The following DCDC2 variants were observed in gnomAD, a reference collection of about 807,000 sequenced individuals.
DCDC2 encodes doublecortin domain-containing protein 2.
Under a neutral mutation model 50.2 loss-of-function variants are expected in DCDC2, and 40 were observed. That is an observed-to-expected ratio of 0.80 (90% confidence interval 0.62 to 1.04). The LOEUF (loss-of-function observed/expected upper bound fraction) is 1.04. Ranked by LOEUF, DCDC2 falls within the 50% of genes least tolerant of loss-of-function variation. DCDC2 has a pLI of 0.00. For synonymous variants in DCDC2, 234 were observed against 210.6 expected, an observed-to-expected ratio of 1.11 and a Z score of -0.96; for missense variants, 570 against 581.9, an observed-to-expected ratio of 0.98 and a Z score of 0.21.
chr6:24,365,548 T>G, the DCDC2 span: 4 of 152,190 alleles, frequency 2.6e-5, no homozygotes, highest in African/African-American at 9.7e-5. Context: ...TGCCTCGGCC[T>G]CCCAAAATGC....
rs1760850396 is a variant in DCDC2, at chr6:24,174,242, A to G, written c.*488T>C. ...AGGCATGTTAACAAGTCATGGACAC[A>G]TTTTGATCTACTGCCATCTCCAAAT... On this transcript the variant is annotated 3_prime_UTR_variant, in exon 10 of 10. Coordinates refer to ENST00000378454, the MANE Select transcript of DCDC2 (RefSeq NM_016356.5). 6.5e-6 allele frequency: 1 copy of G among 153,052 alleles called. No homozygotes were observed. The highest frequency in any genetic ancestry group is 1.5e-5 in the Non-Finnish European group (1 of 68,320). 9.5% of individuals were successfully genotyped at this position (153,052 alleles called of 1,614,324 possible).
chr6:24,186,350 A>T (rs59304494), intron 8 of DCDC2, among the ~76,000 whole-genome samples: 4,916 of 152,286 alleles, frequency 0.032, 263 homozygotes, highest in African/African-American at 0.11. Flanking sequence ...CTGTGGGCAG[A>T]TGTGATTATT....
intron 2 of DCDC2, among the ~76,000 whole-genome samples, chr6:24,304,780 T>C (rs1056839312): frequency 6.6e-6 from 1 of 152,224 alleles, no homozygotes; most frequent in African/African-American, 2.4e-5. Context: ...TTGTTTCAAA[T>C]GGGTACTTAC....
intron 7 of DCDC2, among the ~76,000 whole-genome samples, chr6:24,265,963 AT>A (rs1763112162): frequency 1.3e-5 from 2 of 152,088 alleles, no homozygotes; most frequent in Admixed American, 1.3e-4. Context: ...GGAAAAAAAA[AT>A]AAAATTGACA....
At chr6:24,278,343 T>C in intron 6 of DCDC2, 132 bp from the exon 7 acceptor site, 1 of 706,110 alleles carries the variant, frequency 1.4e-6, no homozygotes, top group Non-Finnish European at 2.2e-6. Context: ...TCTGCAACTG[T>C]CTATCTTTAT....
At chr6:24,215,934 C>T (rs1761964091) in intron 7 of DCDC2, among the ~76,000 whole-genome samples, 1 of 152,160 alleles carries the variant, frequency 6.6e-6, no homozygotes, top group Non-Finnish European at 1.5e-5. Context: ...AACAGAAGAG[C>T]TGAAGAAGGA....
chr6:24,188,812 A>C (rs569216726), intron 8 of DCDC2, among the ~76,000 whole-genome samples: 143 of 152,260 alleles, frequency 9.4e-4, no homozygotes, highest in African/African-American at 3.4e-3. Context: ...AATCCCCATT[A>C]AACTGATGTA....
chr6:24,263,166 C>T (rs926070520), intron 7 of DCDC2, among the ~76,000 whole-genome samples: 2 of 152,250 alleles, frequency 1.3e-5, no homozygotes, highest in African/African-American at 2.4e-5. Flanking sequence ...CAGCATTACT[C>T]GGCTTGAGGT....
At chr6:24,271,238 G>A (rs1444436193) in intron 7 of DCDC2, among the ~76,000 whole-genome samples, 7 of 130,556 alleles carry the variant, frequency 5.4e-5, no homozygotes, top group South Asian at 2.7e-4. Context: ...GAGAGAGAGA[G>A]AGAAAGAAAG....
intron 7 of DCDC2, among the ~76,000 whole-genome samples, chr6:24,244,486 T>C (rs1762629414): frequency 6.6e-6 from 1 of 152,174 alleles, no homozygotes; most frequent in Admixed American, 6.5e-5. Flanking sequence ...CCTAAGACTC[T>C]CCTTCATTTG....
At chr6:24,289,031 C>A (rs1763680149) in intron 5 of DCDC2, 125 bp from the exon 6 acceptor site, 2 of 653,498 alleles carry the variant, frequency 3.1e-6, no homozygotes, top group Non-Finnish European at 5.2e-6. Flanking sequence ...AGGTAGATAA[C>A]ATACACTTTA....
At position 24,192,709 on chromosome 6, in the gene DCDC2, T is replaced by A. The variant is rs191454275; in HGVS notation, c.1023+12293A>T. ...AGGAAGATAAAAGTTGAGGCTTTTA[T>A]TTTTTTTCAGTGAGAAAGTTAAAAA... On this transcript the variant is annotated intron_variant, in intron 8 of 9. Transcript: ENST00000378454. 4.0e-5 allele frequency among the ~76,000 whole-genome samples: 6 copies of A among 151,698 alleles called. No individual in the cohort carries two copies. In the East Asian group the frequency reaches 1.2e-3, roughly 30 times the overall value.
intron 6 of DCDC2, among the ~76,000 whole-genome samples, chr6:24,282,328 C>T (rs965937981): frequency 2.0e-5 from 3 of 152,018 alleles, no homozygotes; most frequent in African/African-American, 7.2e-5. Context: ...CTGCAACCTC[C>T]GCCTCCCAGG....
chr6:24,190,506 T>C lies in DCDC2; in HGVS notation c.1024-11874A>G, dbSNP rs541553469. Among the ~76,000 whole-genome samples the C allele has an allele frequency of 8.9e-4, 136 of 152,258 alleles. 1 individual carries two copies. The highest frequency in any genetic ancestry group is 1.5e-3 in the Non-Finnish European group (105 of 68,020). The stretch of plus-strand genomic sequence containing the variant: ...AACAAACCTGCACGTTGTGCACATG[T>C]ACCCTAGAACTTAAAGTATAATAAA... On this transcript the variant is annotated intron_variant, in intron 8 of 9. Coordinates refer to ENST00000378454, the MANE Select transcript of DCDC2 (RefSeq NM_016356.5).
At chr6:24,201,486 G>GA (rs1303172377) in intron 8 of DCDC2, among the ~76,000 whole-genome samples, 1 of 152,150 alleles carries the variant, frequency 6.6e-6, no homozygotes, top group African/African-American at 2.4e-5. Flanking sequence ...CAGAATCTCT[G>GA]AGACACAGCT....
chr6:24,224,073 A>G (rs1762174596), intron 7 of DCDC2, among the ~76,000 whole-genome samples: 3 of 152,144 alleles, frequency 2.0e-5, no homozygotes, highest in Admixed American at 6.5e-5. Context: ...CAAGACAGAA[A>G]AAAAAAAGGA....
intron 2 of DCDC2, among the ~76,000 whole-genome samples, chr6:24,308,439 G>A (rs1284646741): frequency 6.6e-6 from 1 of 152,168 alleles, no homozygotes; most frequent in Non-Finnish European, 1.5e-5. Flanking sequence ...CAGCCCAATA[G>A]AAGAAGGGGA....
intron 2 of DCDC2, among the ~76,000 whole-genome samples, chr6:24,319,421 C>T (rs1759732771): frequency 6.6e-6 from 1 of 151,908 alleles, no homozygotes; most frequent in Non-Finnish European, 1.5e-5. Flanking sequence ...ATTTCTTTTG[C>T]TGTGTAGAAG....
chr6:24,291,429 GCT>G (rs201128749), intron 4 of DCDC2, among the ~76,000 whole-genome samples: 2,039 of 149,266 alleles, frequency 0.014, 24 homozygotes, highest in Non-Finnish European at 0.018. Context: ...TTTAAATAAA[GCT>G]CTGTTTCCAT....
Sources: allele counts gnomAD v4.1 joint callset (sites outside exome capture counted in the v4.1 genomes callset), GRCh38; gene constraint gnomAD v4.1.1; transcripts MANE v1.5; gene names NCBI Gene and HGNC (gene_info 2026-07-23, HGNC 2026-07-21).